The following IPO8 variants were observed in gnomAD, a reference collection of about 807,000 sequenced individuals.
IPO8 encodes importin 8, also known as importin-8.
A neutral mutation model predicts 141.2 loss-of-function variants in IPO8; 65 were observed. The observed-to-expected ratio is 0.46, with a 90% CI of 0.38 to 0.57. The LOEUF is 0.57. Among genes scored for constraint, IPO8 ranks in the 20% least tolerant of loss-of-function variants. The pLI is 0.00. For synonymous variants in IPO8, 411 were observed against 420.3 expected (o/e 0.98, Z 0.27); for missense variants, 980 against 1,246.8 (o/e 0.79, Z 3.22).
chr12:30,640,625 A>T (rs2052563085), intron 20 of IPO8, among the ~76,000 whole-genome samples: 1 of 152,196 alleles, frequency 6.6e-6, no homozygotes, highest in South Asian at 2.1e-4. Flanking sequence ...ATTTGAGATA[A>T]CACATATAAG....
intron 19 of IPO8, among the ~76,000 whole-genome samples, chr12:30,649,834 G>A (rs1182486250): frequency 6.6e-6 from 1 of 151,910 alleles, no homozygotes; most frequent in East Asian, 1.9e-4. Context: ...ATAAAATGTG[G>A]AATATGACTG....
At chr12:30,649,371 AAAG>A (rs2052693189) in intron 19 of IPO8, 139 bp from the exon 20 acceptor site, 5 of 514,810 alleles carry the variant, frequency 9.7e-6, no homozygotes, top group Middle Eastern at 3.0e-4. Flanking sequence ...TCACCAACCC[AAAG>A]AAGAATGGTC....
chr12:30,664,893 T>G (rs961530834), intron 13 of IPO8, among the ~76,000 whole-genome samples: 1 of 152,116 alleles, frequency 6.6e-6, no homozygotes, highest in Non-Finnish European at 1.5e-5. Context: ...GCGCCTGCCA[T>G]GAAGCCCAGC....
intron 6 of IPO8, among the ~76,000 whole-genome samples, chr12:30,675,596 G>T (rs1269468320): frequency 1.3e-5 from 2 of 151,886 alleles, no homozygotes; most frequent in East Asian, 3.9e-4. Context: ...GGGAGGCCGA[G>T]GTGGGTGGAT....
chr12:30,693,659 T>C (rs1439271477), intron 1 of IPO8, among the ~76,000 whole-genome samples: 5 of 152,228 alleles, frequency 3.3e-5, no homozygotes, highest in Non-Finnish European at 4.4e-5. Context: ...TTTACTACAC[T>C]GTTAGGTGAC....
rs2052420245 is a variant in IPO8, at chr12:30,630,801, A to T, written c.*59T>A. ...CCCTCATTTCATCCCCTTGACCCTC[A>T]CACTCCTCTTGTGAAATAAAATGCA... On this transcript the variant is annotated 3_prime_UTR_variant, in exon 25 of 25. Coordinates refer to ENST00000256079, the MANE Select transcript of IPO8 (RefSeq NM_006390.4). 5.0e-6 allele frequency: 7 copies of T among 1,400,104 alleles called. No homozygotes were observed. Among genetic ancestry groups the T allele is most frequent in the Non-Finnish European group, 7.1e-6 (7 of 991,470 alleles). The allele number at this position is 1,400,104 out of a possible 1,614,324, so 86.7% of individuals were successfully genotyped here.
intron 22 of IPO8, 150 bp downstream of exon 22, chr12:30,636,832 C>T: frequency 1.5e-6 from 1 of 662,002 alleles, no homozygotes; most frequent in Admixed American, 2.8e-5. Context: ...CAATTAATAG[C>T]AAGTCAACCA....
At chr12:30,692,301 T>C (rs768154027) in intron 1 of IPO8, among the ~76,000 whole-genome samples, 1 of 152,246 alleles carries the variant, frequency 6.6e-6, no homozygotes, top group Non-Finnish European at 1.5e-5. Flanking sequence ...ACTGTTGCCA[T>C]TGTACAGATT....
At chr12:30,645,576 C>T (rs1037577886) in intron 20 of IPO8, among the ~76,000 whole-genome samples, 2 of 151,394 alleles carry the variant, frequency 1.3e-5, no homozygotes, top group South Asian at 4.2e-4. Context: ...AGAACAAAAC[C>T]AAAAGTTAGC....
At chr12:30,662,181 C>T (rs2052896874) in intron 15 of IPO8, 146 bp downstream of exon 15, 2 of 619,474 alleles carry the variant, frequency 3.2e-6, no homozygotes, top group East Asian at 5.5e-5. Context: ...CTTAGGAGTG[C>T]ACCATCGTAT....
At chr12:30,689,290 T>G (rs2053269994) in intron 2 of IPO8, among the ~76,000 whole-genome samples, 2 of 152,152 alleles carry the variant, frequency 1.3e-5, no homozygotes, top group African/African-American at 4.8e-5. Flanking sequence ...AAAATGTTAT[T>G]TCTTAAATGC....
chr12:30,651,728 T>C (rs1419401445), intron 19 of IPO8, among the ~76,000 whole-genome samples: 1 of 152,078 alleles, frequency 6.6e-6, no homozygotes, highest in Non-Finnish European at 1.5e-5. Context: ...AGGATAACAG[T>C]AGCCATTATG....
intron 5 of IPO8, chr12:30,677,213 T>G (rs558579839): frequency 1.7e-6 from 1 of 592,586 alleles, no homozygotes; most frequent in African/African-American, 1.8e-5. Context: ...TAACAAATGT[T>G]TCGGTCAGTG....
intron 21 of IPO8, among the ~76,000 whole-genome samples, 162 bp downstream of exon 21, chr12:30,639,353 G>A (rs973468247): frequency 5.3e-5 from 8 of 152,230 alleles, no homozygotes; most frequent in African/African-American, 1.9e-4. Flanking sequence ...AGATTACCCT[G>A]CTGAAATGCA....
At chr12:30,645,357 A>G (rs1486589382) in intron 20 of IPO8, among the ~76,000 whole-genome samples, 1 of 150,658 alleles carries the variant, frequency 6.6e-6, no homozygotes, top group Non-Finnish European at 1.5e-5. Flanking sequence ...TGGGTAACAC[A>G]GCAAGACTTC....
intron 20 of IPO8, 114 bp from the exon 21 acceptor site, chr12:30,639,849 C>A: frequency 1.4e-6 from 1 of 696,058 alleles, no homozygotes; most frequent in Non-Finnish European, 2.5e-6. Flanking sequence ...GGCAATGAGA[C>A]TTTTGACTAA....
intron 2 of IPO8, chr12:30,688,573 A>G (rs962231978): frequency 2.2e-5 from 4 of 185,900 alleles, no homozygotes; most frequent in East Asian, 1.7e-4. Context: ...GCATCCTTGT[A>G]TTTTAATAAT....
intron 14 of IPO8, 87 bp from the exon 15 acceptor site, chr12:30,662,574 C>T: frequency 1.1e-6 from 1 of 946,488 alleles, no homozygotes; most frequent in Non-Finnish European, 1.7e-6. Flanking sequence ...TCAAGTGACC[C>T]AGGGTAATAC....
rs34119940 is a variant in IPO8 at position 30,656,714 on chromosome 12, T to G, written c.1918A>C (p.Ile640Leu). ...ACATGTTTCTGCAGAACAAGATCAA[T>G]GATCCGTAGACAGATATTCTCTAAC... ...QQLENICLRI[I>L]DLVLQKHVIE... Residue 640 changes from isoleucine (I) to leucine (L), a missense_variant, in exon 17 of 25, where the codon ATT becomes CTT. Physicochemically the swap from Ile to Leu is conservative, Grantham distance 5 (BLOSUM62 2). Coordinates refer to ENST00000256079, the MANE Select transcript of IPO8 (RefSeq NM_006390.4). 1 of 1,560,478 alleles carries G rather than the reference T, an allele frequency of 6.4e-7. No homozygotes were observed. The highest frequency in any genetic ancestry group is 1.2e-5 in the South Asian group (1 of 83,560).
Sources: gnomAD v4.1 joint callset for allele counts (sites outside exome capture counted in the v4.1 genomes callset) on GRCh38, gnomAD v4.1.1 for gene constraint, MANE v1.5 for transcripts, NCBI Gene and HGNC (gene_info 2026-07-23, HGNC 2026-07-21) for gene names.